SMTN: variants seen among roughly 807,000 people sequenced by gnomAD.
SMTN encodes smoothelin.
Under a neutral mutation model 102.0 loss-of-function variants are expected in SMTN, and 58 were observed. The ratio of observed to expected loss-of-function variants is 0.57; its 90% CI spans 0.46 to 0.71. SMTN has a LOEUF of 0.71. Among genes scored for constraint, SMTN ranks in the 30% least tolerant of loss-of-function variants. The pLI is 0.00. For missense variants in SMTN, 1,185 were observed against 1,241.7 expected (o/e 0.95, Z 0.69); for synonymous variants, 478 against 497.9 (o/e 0.96, Z 0.53).
chr22:31,078,441 T>C (rs1461492939), upstream of SMTN, among the ~76,000 whole-genome samples: 2 of 152,190 alleles, frequency 1.3e-5, no homozygotes, highest in African/African-American at 4.8e-5. Context: ...AGTAGACCCT[T>C]TCTGTGACAG....
chr22:31,094,669 T>G (rs1040782347), intron 11 of SMTN, among the ~76,000 whole-genome samples: 39 of 151,662 alleles, frequency 2.6e-4, no homozygotes, highest in Admixed American at 2.1e-3. Flanking sequence ...CTTCTGTTTT[T>G]TTTTTTTTTT....
In SMTN at chr22:31,091,281, G is replaced by A. The variant is rs1033938748; in HGVS notation, c.1258G>A (p.Gly420Ser). ...CPQEEGPRGR[G>S]LAARPLENRA... ...CCAGGAGGAGGGCCCCAGGGGGCGG[G>A]GCTTGGCTGCTAGGCCCCTTGAAAA... The change falls in exon 10 of 21, where the codon GGC (glycine) becomes AGC (serine). Residue 420 changes from glycine to serine, a missense_variant. By Grantham distance (56) the Gly-to-Ser change is moderately conservative. Around this residue, in one of 2 missense-constraint regions of SMTN, gnomAD observed 1,096 missense variants for 1,112.7 expected, o/e 0.98. Transcript: ENST00000333137. The A allele has an allele frequency of 1.9e-6, 3 of 1,599,190 alleles. No individual in the cohort carries two copies. Among genetic ancestry groups the A allele is most frequent in the Admixed American group, 1.7e-5 (1 of 57,324 alleles).
intron 5 of SMTN, 43 bp from the exon 6 acceptor site, chr22:31,088,829 C>T: frequency 6.2e-7 from 1 of 1,610,700 alleles, no homozygotes; most frequent in Non-Finnish European, 8.5e-7. Context: ...CTGTCCACAG[C>T]ACCTCCCTGT....
At chr22:31,099,712 C>T (rs752763702) in intron 18 of SMTN, 33 bp from the exon 19 acceptor site, 4 of 1,605,948 alleles carry the variant, frequency 2.5e-6, no homozygotes, top group Non-Finnish European at 3.4e-6. Context: ...GAGTTGCCCC[C>T]AGGTTCCTGA....
At position 31,090,025 on chromosome 22, in the gene SMTN, T is replaced by A; in HGVS notation, c.792+6T>A. On this transcript the variant is annotated splice_donor_region_variant and intron_variant, in intron 7 of 20. Transcript: ENST00000333137. ...AGGGCCAGGTGGTCAACAAGGTGAG[T>A]CTGGATGAGGGGCAGGGATGCCAGG... is the stretch of plus-strand genomic sequence containing the variant. 6.2e-7 allele frequency: 1 copy of A among 1,609,262 alleles called. No individual in the cohort carries two copies. The highest frequency in any genetic ancestry group is 1.1e-5 in the South Asian group (1 of 90,610).
intron 1 of SMTN, among the ~76,000 whole-genome samples, chr22:31,075,242 A>G (rs2042100463): frequency 6.6e-6 from 1 of 152,162 alleles, no homozygotes; most frequent in African/African-American, 2.4e-5. Flanking sequence ...AGAAATTAGC[A>G]TCTGTCTCAT....
At chr22:31,084,510 A>G (rs747962488) in intron 2 of SMTN, among the ~76,000 whole-genome samples, 14 of 152,026 alleles carry the variant, frequency 9.2e-5, no homozygotes, top group Non-Finnish European at 1.8e-4. Context: ...CCTGGAGGGG[A>G]TGAGGTTAGG....
Position 31,101,143 on chromosome 22 carries a change from G to T in SMTN, c.*20+94G>T. 3.2e-6 allele frequency: 4 copies of T among 1,242,080 alleles called. No homozygotes were observed. The East Asian group carries it at 7.7e-5, about 24-fold the overall frequency. 76.9% of individuals were successfully genotyped at this position (1,242,080 alleles called of 1,614,324 possible). The stretch of plus-strand genomic sequence containing the variant: ...CAGGGAGGCGGGTGGGGGAAGTAAG[G>T]GGGGCATTTAGTCAAGCCAGAGGAG... On this transcript the variant is annotated intron_variant, in intron 20 of 20. Coordinates refer to ENST00000333137, the MANE Select transcript of SMTN (RefSeq NM_134269.3).
chr22:31,072,403 A>G lies in SMTN; in HGVS notation c.-385-8047A>G, dbSNP rs145938589. ...TTCACTACTGCAAAATAGCTACTCA[A>G]CTGGCTTGCTGTATGATTTGGGGCA... On this transcript the variant is annotated intron_variant, in intron 1 of 3. Coordinates refer to the SMTN transcript ENST00000422839. Among the ~76,000 whole-genome samples the G allele has an allele frequency of 9.8e-3, 1,486 of 152,234 alleles. 18 individuals are homozygous for G. The highest frequency in any genetic ancestry group is 0.029 in the South Asian group (142 of 4,824).
intron 15 of SMTN, 39 bp downstream of exon 15, chr22:31,097,099 TC>T: frequency 6.3e-7 from 1 of 1,588,346 alleles, no homozygotes; most frequent in Non-Finnish European, 8.6e-7. Context: ...TGCCTGCCTG[TC>T]CGCCCACCTC....
chr22:31,078,839 C>G (rs1033691160), upstream of SMTN, among the ~76,000 whole-genome samples: 1 of 152,090 alleles, frequency 6.6e-6, no homozygotes, highest in Non-Finnish European at 1.5e-5. Context: ...GATCATGCGA[C>G]TGCACTCCAG....
In SMTN at chr22:31,095,353, TG is replaced by T; in HGVS notation, c.1687del (p.Ala563LeufsTer6). The T allele has an allele frequency of 1.2e-6, 2 of 1,614,184 alleles. No individual in the cohort carries two copies. The highest frequency in any genetic ancestry group is 1.7e-4 in the Middle Eastern group (1 of 6,046). On this transcript the variant is annotated frameshift_variant, in exon 12 of 21. Transcript: ENST00000333137. LOFTEE classifies it high-confidence loss of function. This position sits in a 1 kb window ranked among gnomAD's most constrained non-coding sequence, Gnocchi z 4.1. ...PLAAAVEAANGAEQTRVNKAP... is the reference protein window; with the variant it reads ...PLAAAVEAANXAEQTRVNKAP... ...TCGCTGCAGCAGTGGAAGCGGCCAA[TG>T]GGGCTGAGCAGACCCGAGTGAACAA...
In SMTN at chr22:31,088,341, A is replaced by G. The variant is rs2042859582; in HGVS notation, c.201-172A>G. On this transcript the variant is annotated intron_variant, in intron 3 of 20. Coordinates refer to ENST00000333137, the MANE Select transcript of SMTN (RefSeq NM_134269.3). The stretch of plus-strand genomic sequence containing the variant: ...TAGCCAGCACGTCTGAGTGTGTGGT[A>G]TTAGTGCCCACGTCCATGGGCATAT... The G allele has an allele frequency of 4.0e-6, 3 of 753,034 alleles. No individual in the cohort carries two copies. In the East Asian group the frequency reaches 7.7e-5, roughly 19 times the overall value. The allele number at this position is 753,034 out of a possible 1,614,324, so 46.6% of individuals were successfully genotyped here.
At chr22:31,097,361 TGACCATAGAGGAGTCA>T (rs987448776) in intron 16 of SMTN, 23 bp downstream of exon 16, 1 of 1,609,612 alleles carries the variant, frequency 6.2e-7, no homozygotes, top group Non-Finnish European at 8.5e-7. Flanking sequence ...ACCCAATCCC[TGACCATAGAGGAGTCA>T]GTGCCACAGG....
chr22:31,099,730 T>C lies in SMTN; in HGVS notation c.2452-15T>C. 6.2e-7 allele frequency: 1 copy of C among 1,613,306 alleles called. No individual in the cohort carries two copies. Among genetic ancestry groups the C allele is most frequent in the Non-Finnish European group, 8.5e-7 (1 of 1,179,470 alleles). On this transcript the variant is annotated splice_polypyrimidine_tract_variant and intron_variant, in intron 18 of 20. Transcript: ENST00000333137. ...TTGCCCCCAGGTTCCTGACCAGTCC[T>C]CCTACGGCTTATAGCACGTCGACAT...
Position 31,082,908 on chromosome 22 carries a change from A to C in SMTN, c.-80-271A>C, listed in dbSNP as rs1012144472. The C allele has an allele frequency of 8.4e-6, 13 of 1,547,384 alleles. No homozygotes were observed. The African/African-American group carries it at 1.6e-4, about 20-fold the overall frequency. On this transcript the variant is annotated intron_variant, in intron 1 of 20. Coordinates refer to ENST00000333137, the MANE Select transcript of SMTN (RefSeq NM_134269.3). ...CCAGGTCCCTGCCCTCCCTGTTTTG[A>C]GGTTTAGACAGGATGAGAGTCCATC...
Position 31,095,296 on chromosome 22 carries a change from C to G in SMTN, c.1633-7C>G. ...CTTAAAGTCCATGCCCTCTCCCCAC[C>G]CTGCAGATGGAAGCAGAGCCAGCAG... On this transcript the variant is annotated splice_polypyrimidine_tract_variant and splice_region_variant and intron_variant, in intron 11 of 20. Transcript: ENST00000333137. This position sits in a 1 kb window ranked among gnomAD's most constrained non-coding sequence, Gnocchi z 4.1. 1.9e-6 allele frequency: 3 copies of G among 1,613,242 alleles called. No individual in the cohort carries two copies. Among genetic ancestry groups the G allele is most frequent in the Non-Finnish European group, 2.5e-6 (3 of 1,179,904 alleles).
intron 1 of SMTN, among the ~76,000 whole-genome samples, chr22:31,072,334 G>A (rs980743448): frequency 2.0e-5 from 3 of 152,044 alleles, no homozygotes; most frequent in Non-Finnish European, 4.4e-5. Context: ...GACAGAGTTG[G>A]GATTCGCACC....
chr22:31,090,322 C>T, intron 8 of SMTN, 142 bp downstream of exon 8: 3 of 666,538 alleles, frequency 4.5e-6, no homozygotes, highest in Non-Finnish European at 7.6e-6. Context: ...CACCCCACCC[C>T]TGAAGTGTCC....
Sources: allele counts gnomAD v4.1 joint callset (sites outside exome capture counted in the v4.1 genomes callset), GRCh38; gene constraint gnomAD v4.1.1; regional missense constraint gnomAD v4.1.1; non-coding constraint Gnocchi (gnomAD v3.1); transcripts MANE v1.5; gene names NCBI Gene and HGNC (gene_info 2026-07-23, HGNC 2026-07-21).